The following DDX60 variants were observed in gnomAD, a reference collection of about 807,000 sequenced individuals.
DDX60 encodes the protein DExD/H-box helicase 60.
In DDX60, 165 loss-of-function variants were observed where a neutral mutation model predicts 212.8. That is an observed-to-expected ratio of 0.78 (90% confidence interval 0.68 to 0.88). DDX60 has a LOEUF of 0.88. DDX60 is among the 40% of genes least tolerant of loss of function. The pLI is 0.00. For missense variants in DDX60, 1,905 were observed against 2,003.9 expected, an observed-to-expected ratio of 0.95 and a Z score of 0.94; for synonymous variants, 703 against 685.3, an observed-to-expected ratio of 1.03 and a Z score of -0.40.
chr4:168,264,987 G>A (rs990989157), intron 22 of DDX60, among the ~76,000 whole-genome samples: 1 of 152,152 alleles, frequency 6.6e-6, no homozygotes, highest in Non-Finnish European at 1.5e-5. Context: ...CATAGGTGAC[G>A]GTAGGCATTG....
chr4:168,318,399 C>T (rs1358581334), intron 1 of DDX60, among the ~76,000 whole-genome samples: 2 of 152,252 alleles, frequency 1.3e-5, no homozygotes, highest in Non-Finnish European at 2.9e-5. Flanking sequence ...TCAGGCCTTT[C>T]GCGGTTGTCC....
At chr4:168,280,647 G>A (rs1381132601) in intron 13 of DDX60, 57 bp from the exon 14 acceptor site, 11 of 1,525,090 alleles carry the variant, frequency 7.2e-6, no homozygotes, top group Admixed American at 2.1e-5. Context: ...CAAGATAACA[G>A]GTCATGAGTG....
chr4:168,248,547 T>A (rs1431479337), intron 28 of DDX60, among the ~76,000 whole-genome samples: 3 of 152,210 alleles, frequency 2.0e-5, no homozygotes, highest in African/African-American at 7.2e-5. Flanking sequence ...TCTACTCAAA[T>A]GTCACAGAGG....
At position 168,311,059 on chromosome 4, in the gene DDX60, C is replaced by T. The variant is rs1375402647; in HGVS notation, c.13G>A (p.Val5Ile). 6.4e-7 allele frequency: 1 copy of T among 1,570,390 alleles called. No homozygotes were observed. The highest frequency in any genetic ancestry group is 1.7e-5 in the Admixed American group (1 of 58,362). Residue 5 changes from valine (V) to isoleucine (I), a missense_variant, in exon 3 of 38, where the codon GTT becomes ATT. Val to Ile is a conservative substitution (Grantham distance 29). Coordinates refer to ENST00000393743, the MANE Select transcript of DDX60 (RefSeq NM_017631.6). Reference protein sequence around the residue: MERNVLTTFSQEMSQ... With the variant: MERNILTTFSQEMSQ... ...ATTTCCTGTGAAAATGTTGTAAGAA[C>T]ATTTCTTTCTAAATTTAAAAAAAAA...
At chr4:168,321,803 A>G (rs1162725669), upstream of DDX60, among the ~76,000 whole-genome samples, 1 of 152,190 alleles carries the variant, frequency 6.6e-6, no homozygotes, top group East Asian at 1.9e-4. Flanking sequence ...CAACTAAAAC[A>G]TAGTGTTCAT....
At chr4:168,250,367 C>T (rs113983651) in intron 28 of DDX60, among the ~76,000 whole-genome samples, 9,846 of 151,896 alleles carry the variant, frequency 0.065, 466 homozygotes, top group East Asian at 0.15. Flanking sequence ...CATGGAGAAA[C>T]CCCATCTCTA....
intron 35 of DDX60, 123 bp downstream of exon 35, chr4:168,224,120 T>G: frequency 1.9e-6 from 2 of 1,026,288 alleles, no homozygotes; most frequent in Admixed American, 2.5e-5. Flanking sequence ...TATCTGTTGA[T>G]ACACCCAGAT....
At chr4:168,218,830 G>C (rs1388987295) in intron 37 of DDX60, among the ~76,000 whole-genome samples, 1 of 151,994 alleles carries the variant, frequency 6.6e-6, no homozygotes, top group Non-Finnish European at 1.5e-5. Context: ...TTAAGGCTTA[G>C]TCAAAAAATT....
At chr4:168,238,076 G>A (rs482728) in intron 30 of DDX60, among the ~76,000 whole-genome samples, 24,394 of 151,566 alleles carry the variant, frequency 0.16, 2,212 homozygotes, top group Non-Finnish European at 0.21. Context: ...TGTTCTAGGA[G>A]TAAAAAGATA....
rs1187395309 is a variant in DDX60, at chr4:168,263,742, C to T, written c.3040-955G>A. On this transcript the variant is annotated intron_variant, in intron 22 of 37. Transcript: ENST00000393743. The stretch of plus-strand genomic sequence containing the variant: ...GGCCCCCACAAGACACCAAATCTCC[C>T]AGGGCCTTGACCTTGGACTTCCCAG... 2.6e-5 allele frequency: 4 copies of T among 152,172 alleles called. No homozygotes were observed. In the East Asian group the frequency reaches 7.7e-4, roughly 29 times the overall value. 9.4% of individuals were successfully genotyped at this position (152,172 alleles called of 1,614,324 possible). A position where few individuals can be genotyped will look rare whatever the true frequency, so the allele number is the denominator to read the frequency against.
At chr4:168,250,768 G>A (rs928496639) in intron 28 of DDX60, among the ~76,000 whole-genome samples, 186 bp downstream of exon 28, 6 of 151,698 alleles carry the variant, frequency 4.0e-5, no homozygotes, top group Admixed American at 6.6e-5. Context: ...TAGGTGATCC[G>A]TCCATCTCGG....
rs1395317160 is a variant in DDX60 at position 168,267,896 on chromosome 4, C to G, written c.2874G>C (p.Gln958His). The change falls in exon 21 of 38, where the codon CAG becomes CAC. Residue 958 changes from glutamine to histidine, a missense_variant. Gln to His is a conservative substitution (Grantham distance 24). Transcript: ENST00000393743. ...NTASKRHVGR[Q>H]AGFPKDYLQV... The stretch of plus-strand genomic sequence containing the variant: ...GCAAGTAGTCTTTGGGAAAGCCGGC[C>G]TGACGACCCACATGTCTTTTAGAAG... 2 of 1,613,458 alleles carry G rather than the reference C, an allele frequency of 1.2e-6. No homozygotes were observed. The highest frequency in any genetic ancestry group is 1.7e-6 in the Non-Finnish European group (2 of 1,179,722).
Position 168,287,156 on chromosome 4 carries a change from G to A in DDX60, c.1231C>T (p.Leu411Phe). The A allele has an allele frequency of 1.2e-6, 2 of 1,610,760 alleles. No individual in the cohort carries two copies. Among genetic ancestry groups the A allele is most frequent in the Non-Finnish European group, 1.7e-6 (2 of 1,178,510 alleles). Residue 411 changes from leucine (L) to phenylalanine (F), a missense_variant, in exon 10 of 38, where the codon CTC (leucine) becomes TTC (phenylalanine). Physicochemically the swap from Leu to Phe is conservative, Grantham distance 22. Transcript: ENST00000393743. ...ACCAACTTTGATACGGTATTCCAGA[G>A]ATATTCATAATCTTTCATAATGGTA... Reference protein sequence around the residue: ...GDTIMKDYEYLWNTVSKLVRD... With the variant: ...GDTIMKDYEYFWNTVSKLVRD...
At chr4:168,218,632 T>C (rs1254004498) in intron 37 of DDX60, among the ~76,000 whole-genome samples, 1 of 152,090 alleles carries the variant, frequency 6.6e-6, no homozygotes, top group African/African-American at 2.4e-5. Context: ...AATGTTAACA[T>C]AAAGACCTTT....
At chr4:168,239,587 G>A (rs1733766015) in intron 30 of DDX60, among the ~76,000 whole-genome samples, 1 of 152,094 alleles carries the variant, frequency 6.6e-6, no homozygotes, top group Admixed American at 6.6e-5. Flanking sequence ...TAGAAGGCAT[G>A]GTGAGGGTAG....
At chr4:168,323,418 T>G (rs775962344), upstream of DDX60, among the ~76,000 whole-genome samples, 7 of 152,212 alleles carry the variant, frequency 4.6e-5, no homozygotes, top group Non-Finnish European at 7.4e-5. Flanking sequence ...GTGACACCCA[T>G]GAGGGCATCT....
intron 17 of DDX60, among the ~76,000 whole-genome samples, 176 bp from the exon 18 acceptor site, chr4:168,273,574 A>C (rs1002539681): frequency 6.6e-6 from 1 of 152,236 alleles, no homozygotes; most frequent in Non-Finnish European, 1.5e-5. Context: ...TAGTTGACTC[A>C]GCACACAAAT....
chr4:168,291,147 G>T lies in DDX60; in HGVS notation c.1041+601C>A, dbSNP rs72981323. ...CCATGGTACTAAAAGATAACTAGTA[G>T]CCATTAAAAATGATACTAATATTGT... On this transcript the variant is annotated intron_variant, in intron 8 of 37. Transcript: ENST00000393743. 5.1e-3 allele frequency among the ~76,000 whole-genome samples: 770 copies of T among 151,978 alleles called. 8 individuals carry two copies. Among genetic ancestry groups the T allele is most frequent in the African/African-American group, 0.018 (741 of 41,430 alleles).
chr4:168,276,094 T>A lies in DDX60; in HGVS notation c.2066A>T (p.Glu689Val). The A allele has an allele frequency of 1.9e-6, 3 of 1,613,822 alleles. No homozygotes were observed. Among genetic ancestry groups the A allele is most frequent in the Non-Finnish European group, 2.5e-6 (3 of 1,179,822 alleles). Residue 689 changes from glutamate (E) to valine (V), a missense_variant, in exon 15 of 38, where the codon GAA (glutamate) becomes GTA (valine). Coordinates refer to ENST00000393743, the MANE Select transcript of DDX60 (RefSeq NM_017631.6). ...LMEKYSELLQEDDRQLIARCL... is the reference protein window; with the variant it reads ...LMEKYSELLQVDDRQLIARCL... ...TCTGGCTATGAGTTGCCGATCATCTTCTTGTAAAAGTTCTGAGTATTTTTC... is the reference window on the plus strand; with the variant it reads ...TCTGGCTATGAGTTGCCGATCATCTACTTGTAAAAGTTCTGAGTATTTTTC...
Sources: gnomAD v4.1 joint callset for allele counts (sites outside exome capture counted in the v4.1 genomes callset) on GRCh38, gnomAD v4.1.1 for gene constraint, MANE v1.5 for transcripts, NCBI Gene and HGNC (gene_info 2026-07-23, HGNC 2026-07-21) for gene names.